Variants in DHX36 observed in about 807,000 individuals in gnomAD.
The protein encoded by DHX36 is ATP-dependent DNA/RNA helicase DHX36.
DHX36 carries 50 observed loss-of-function variants against 139.0 expected under a neutral mutation model. The ratio of observed to expected loss-of-function variants is 0.36; its 90% CI spans 0.29 to 0.46. The LOEUF (loss-of-function observed/expected upper bound fraction) is 0.46. Among genes scored for constraint, DHX36 ranks in the 20% least tolerant of loss-of-function variants. The probability of loss-of-function intolerance (pLI) is 1.00; values close to 1 mark genes in which losing one functional copy is unlikely to be tolerated. For missense variants in DHX36, 1,024 were observed against 1,211.3 expected, an observed-to-expected ratio of 0.85 and a Z score of 2.29; for synonymous variants, 425 against 401.9, an observed-to-expected ratio of 1.06 and a Z score of -0.69.
rs748772377 is a variant in DHX36 at position 154,293,732 on chromosome 3, T to A, written c.1670+16A>T. The stretch of plus-strand genomic sequence containing the variant: ...TTATGTAATCATCAGTATTTGATAT[T>A]TAAAACTATTTTTACCTAGTCTCCG... On this transcript the variant is annotated intron_variant, in intron 14 of 24. Transcript: ENST00000496811. 3.1e-6 allele frequency: 5 copies of A among 1,597,214 alleles called. No individual in the cohort carries two copies. In the East Asian group the frequency reaches 1.1e-4, roughly 36 times the overall value.
rs1170775656 is a variant in DHX36 at position 154,272,879 on chromosome 3, T to G, written c.*3292A>C. The G allele has an allele frequency of 6.6e-6, 1 of 152,076 alleles. No individual in the cohort carries two copies. The highest frequency in any genetic ancestry group is 1.9e-4 in the East Asian group (1 of 5,188). 9.4% of individuals were successfully genotyped at this position (152,076 alleles called of 1,614,324 possible). On this transcript the variant is annotated 3_prime_UTR_variant, in exon 25 of 25. Transcript: ENST00000496811. ...CTAAAGCTTTTGTATAATTCATAAC[T>G]TTTAGGGGAGGACTTTGTTTTAAAA...
In DHX36 at chr3:154,301,262, A is replaced by G. The variant is rs548545996; in HGVS notation, c.1218-135T>C. On this transcript the variant is annotated intron_variant, in intron 9 of 24. Transcript: ENST00000496811. ...TTCATTATGCTTTCAAGTGAATGCT[A>G]GCTAAAATATCAGTTTGTGTTCATT... 22 of 825,338 alleles carry G rather than the reference A, an allele frequency of 2.7e-5. 1 individual carries two copies. In the East Asian group the frequency reaches 5.8e-4, roughly 22 times the overall value. The allele number at this position is 825,338 out of a possible 1,614,324, so 51.1% of individuals were successfully genotyped here. A position where few individuals can be genotyped will look rare whatever the true frequency, so the allele number is the denominator to read the frequency against.
At chr3:154,289,586 C>A in intron 16 of DHX36, 123 bp downstream of exon 16, 1 of 665,358 alleles carries the variant, frequency 1.5e-6, no homozygotes, top group South Asian at 1.9e-5. Context: ...TACTAATGCA[C>A]ACATGAAATA....
At chr3:154,306,191 T>A (rs112746863) in intron 6 of DHX36, 25 bp downstream of exon 6, 1 of 1,539,620 alleles carries the variant, frequency 6.5e-7, no homozygotes. Flanking sequence ...AATCTGCCTG[T>A]ATATAAGAAG....
chr3:154,322,618 C>A (rs145918710), intron 1 of DHX36, among the ~76,000 whole-genome samples: 6 of 152,304 alleles, frequency 3.9e-5, no homozygotes, highest in Admixed American at 1.3e-4. Context: ...GATGGGAACG[C>A]AAGTAGAAAT....
Position 154,316,029 on chromosome 3 carries a change from C to A in DHX36, c.368+10G>T, listed in dbSNP as rs1712963631. 1.2e-6 allele frequency: 2 copies of A among 1,608,458 alleles called. No homozygotes were observed. Among genetic ancestry groups the A allele is most frequent in the African/African-American group, 2.7e-5 (2 of 74,638 alleles). ...TTGCCTATTCTTTAAAAAAATATTT[C>A]TTGTCGTACCCATGATCCTCAGGAG... is the stretch of plus-strand genomic sequence containing the variant. On this transcript the variant is annotated intron_variant, in intron 2 of 24. Coordinates refer to ENST00000496811, the MANE Select transcript of DHX36 (RefSeq NM_020865.3).
chr3:154,301,800 T>C (rs185612018), intron 9 of DHX36, among the ~76,000 whole-genome samples: 61 of 152,152 alleles, frequency 4.0e-4, no homozygotes, highest in African/African-American at 1.4e-3. Flanking sequence ...CTACCTATCA[T>C]TGTCAGTCCT....
intron 24 of DHX36, 129 bp from the exon 25 acceptor site, chr3:154,276,485 A>G: frequency 1.1e-6 from 1 of 909,412 alleles, no homozygotes; most frequent in Non-Finnish European, 1.6e-6. Flanking sequence ...ACATTTAGTG[A>G]GCAATCAACT....
chr3:154,278,477 G>A (rs1719228070), intron 22 of DHX36: 1 of 139,530 alleles, frequency 7.2e-6, no homozygotes, highest in Non-Finnish European at 1.6e-5. Flanking sequence ...CTCTTTCGAA[G>A]TTTTTTTTTT....
At position 154,324,470 on chromosome 3, in the gene DHX36, G is replaced by A. The variant is rs912299169; in HGVS notation, c.-54C>T. 2 of 1,436,788 alleles carry A rather than the reference G, an allele frequency of 1.4e-6. No homozygotes were observed. The highest frequency in any genetic ancestry group is 1.8e-6 in the Non-Finnish European group (2 of 1,098,992). 89.0% of individuals were successfully genotyped at this position (1,436,788 alleles called of 1,614,324 possible). Reference sequence around the variant, plus strand: ...CCAGCAACCGCTGGAAATGGCGTCCGGGCCCGGAAGCCACTGTGCGCCCAC... The same window carrying A: ...CCAGCAACCGCTGGAAATGGCGTCCAGGCCCGGAAGCCACTGTGCGCCCAC... On this transcript the variant is annotated 5_prime_UTR_variant, in exon 1 of 25. Transcript: ENST00000496811.
chr3:154,279,185 TC>T (rs1321718260), intron 22 of DHX36: 1 of 152,004 alleles, frequency 6.6e-6, no homozygotes, highest in Non-Finnish European at 1.5e-5. Flanking sequence ...TATTTTAGGG[TC>T]TATATTTGGG....
chr3:154,302,510 C>T (rs186222755), intron 9 of DHX36, among the ~76,000 whole-genome samples: 1 of 152,130 alleles, frequency 6.6e-6, no homozygotes, highest in Non-Finnish European at 1.5e-5. Flanking sequence ...TACTAGAATA[C>T]TATTGAGCAG....
At chr3:154,310,116 T>C (rs971395400) in intron 4 of DHX36, among the ~76,000 whole-genome samples, 1 of 152,154 alleles carries the variant, frequency 6.6e-6, no homozygotes, top group Admixed American at 6.5e-5. Context: ...ATAATGTTGA[T>C]ATGTGGGGCT....
intron 1 of DHX36, among the ~76,000 whole-genome samples, chr3:154,318,485 G>A (rs1346851559): frequency 6.6e-6 from 1 of 151,914 alleles, no homozygotes; most frequent in Non-Finnish European, 1.5e-5. Flanking sequence ...CAGCACAAAA[G>A]ATTATTCTAA....
intron 3 of DHX36, among the ~76,000 whole-genome samples, chr3:154,313,194 G>A (rs1161527599): frequency 6.6e-6 from 1 of 151,894 alleles, no homozygotes; most frequent in African/African-American, 2.4e-5. Flanking sequence ...CTATCCCACT[G>A]CATTTCAAAC....
intron 14 of DHX36, 100 bp downstream of exon 14, chr3:154,293,648 C>A: frequency 2.5e-6 from 2 of 809,130 alleles, no homozygotes; most frequent in East Asian, 2.6e-5. Context: ...TAATAAATTA[C>A]AAGGTATATG....
chr3:154,302,102 T>G (rs145271478), intron 9 of DHX36, among the ~76,000 whole-genome samples: 68 of 149,112 alleles, frequency 4.6e-4, no homozygotes, highest in African/African-American at 1.7e-3. Flanking sequence ...TAAAGCCTCA[T>G]GTATAGCACA....
chr3:154,304,763 TTCTAG>T, intron 8 of DHX36, 38 bp downstream of exon 8: 1 of 1,413,200 alleles, frequency 7.1e-7, no homozygotes, highest in Non-Finnish European at 9.4e-7. Flanking sequence ...TTAATTGTTT[TTCTAG>T]TACCTTTTCT....
intron 13 of DHX36, 144 bp from the exon 14 acceptor site, chr3:154,293,956 G>C (rs1559950421): frequency 9.3e-6 from 5 of 540,058 alleles, no homozygotes; most frequent in Non-Finnish European, 1.7e-5. Flanking sequence ...ATTTATCGAT[G>C]TATTTATGAA....
Sources: gnomAD v4.1 joint callset for allele counts (sites outside exome capture counted in the v4.1 genomes callset) on GRCh38, gnomAD v4.1.1 for gene constraint, MANE v1.5 for transcripts, NCBI Gene and HGNC (gene_info 2026-07-23, HGNC 2026-07-21) for gene names.